JUP: variants seen among roughly 807,000 people sequenced by gnomAD.
JUP encodes the protein catenin (cadherin-associated protein), gamma 80kDa.
A neutral mutation model predicts 71.1 loss-of-function variants in JUP; 28 were observed. The observed-to-expected ratio is 0.39, with a 90% CI of 0.29 to 0.54. The LOEUF (loss-of-function observed/expected upper bound fraction) is 0.54, where lower values mean the gene tolerates loss of function less well. Ranked by LOEUF, JUP falls within the 20% of genes least tolerant of loss-of-function variation. The pLI is 0.62. For synonymous variants in JUP, 401 were observed against 438.9 expected (o/e 0.91, Z 1.08); for missense variants, 869 against 1,030.1 (o/e 0.84, Z 2.14).
chr17:41,785,946 G>C (rs1698066579), intron 1 of JUP: 1 of 152,352 alleles, frequency 6.6e-6, no homozygotes, highest in African/African-American at 2.4e-5. Context: ...GGCGTGGAGG[G>C]AGGCGCCGCA....
chr17:41,762,896 G>A (rs1555601947), intron 8 of JUP, 87 bp downstream of exon 8: 3 of 1,090,898 alleles, frequency 2.8e-6, no homozygotes, highest in Non-Finnish European at 2.8e-6. Context: ...TGTATTTAGG[G>A]CTTCTTTGCT....
chr17:41,763,078 C>A lies in JUP; in HGVS notation c.1402G>T (p.Glu468Ter), dbSNP rs2143559975. 6.2e-7 allele frequency: 1 copy of A among 1,614,048 alleles called. No individual in the cohort carries two copies. The highest frequency in any genetic ancestry group is 1.7e-5 in the Admixed American group (1 of 60,026). ...ALRHLTSRHP[E>*]AEMAQNSVRL... Reference sequence around the variant, plus strand: ...ACAGAGTTCTGGGCCATCTCGGCCTCAGGGTGGCGGCTAGTGAGGTGGCGC... The same window carrying A: ...ACAGAGTTCTGGGCCATCTCGGCCTAAGGGTGGCGGCTAGTGAGGTGGCGC... Residue 468 changes from glutamate (E) to a stop codon, truncating the protein, a stop_gained, in exon 8 of 14, where the codon GAG becomes TAG. Coordinates refer to ENST00000393931, the MANE Select transcript of JUP (RefSeq NM_002230.4). LOFTEE classifies it high-confidence loss of function.
At position 41,779,294 on chromosome 17, in the gene JUP, AT is replaced by A. The variant is rs1452364925; in HGVS notation, c.-9+7293del. ...AAGTTGCTTTTTAGGATTATGGGCG[AT>A]TTTTTTTCTTTTCTCTTAAACTTTT... On this transcript the variant is annotated intron_variant, in intron 1 of 13. Coordinates refer to ENST00000393931, the MANE Select transcript of JUP (RefSeq NM_002230.4). Among the ~76,000 whole-genome samples, 7 of 144,364 alleles carry A rather than the reference AT, an allele frequency of 4.8e-5. No homozygotes were observed. The South Asian group carries it at 6.6e-4, about 14-fold the overall frequency. The allele number at this position is 144,364 out of a possible 152,430, so 94.7% of individuals were successfully genotyped here.
At chr17:41,765,739 T>C (rs1273927132) in intron 5 of JUP, among the ~76,000 whole-genome samples, 3 of 152,206 alleles carry the variant, frequency 2.0e-5, no homozygotes, top group Admixed American at 2.0e-4. Context: ...GACAAAACTA[T>C]ATGCACACCC....
At chr17:41,775,979 A>G in intron 1 of JUP, 1 of 985,430 alleles carries the variant, frequency 1.0e-6, no homozygotes, top group Non-Finnish European at 1.2e-6. Flanking sequence ...CACCAGAGCT[A>G]CACCAGGCTC....
rs782667501 is a variant in JUP at position 41,763,080 on chromosome 17, G to A, written c.1400C>T (p.Pro467Leu). Residue 467 changes from proline (P) to leucine (L), a missense_variant, in exon 8 of 14, where the codon CCT becomes CTT. Physicochemically the swap from Pro to Leu is moderately conservative, Grantham distance 98. Coordinates refer to ENST00000393931, the MANE Select transcript of JUP (RefSeq NM_002230.4). ...AGAGTTCTGGGCCATCTCGGCCTCA[G>A]GGTGGCGGCTAGTGAGGTGGCGCAG... is the stretch of plus-strand genomic sequence containing the variant. ...CALRHLTSRHPEAEMAQNSVR... is the reference protein window; with the variant it reads ...CALRHLTSRHLEAEMAQNSVR... 8 of 1,613,924 alleles carry A rather than the reference G, an allele frequency of 5.0e-6. No individual in the cohort carries two copies. In the East Asian group the frequency reaches 1.8e-4, roughly 36 times the overall value.
chr17:41,767,400 G>C lies in JUP; in HGVS notation c.888C>G (p.Ala296=). Reference sequence around the variant, plus strand: ...CCACCTTGCTCTCCTGGTTGCCGTAGGCCAGGAGCTGCAGGCAGTCGGTGG... The same window carrying C: ...CCACCTTGCTCTCCTGGTTGCCGTACGCCAGGAGCTGCAGGCAGTCGGTGG... The part of the protein sequence containing the change: ...AITTDCLQLL[A]YGNQESKLII... Residue 296 remains alanine (A), a synonymous_variant, in exon 5 of 14, where the codon GCC becomes GCG. Transcript: ENST00000393931. 6.2e-7 allele frequency: 1 copy of C among 1,614,178 alleles called. No individual in the cohort carries two copies. The highest frequency in any genetic ancestry group is 8.5e-7 in the Non-Finnish European group (1 of 1,180,038).
chr17:41,757,069 G>A (rs903277353), intron 12 of JUP, among the ~76,000 whole-genome samples: 5 of 152,116 alleles, frequency 3.3e-5, no homozygotes, highest in African/African-American at 7.2e-5. Flanking sequence ...GACTCCTGCC[G>A]GACTAGAGCA....
In JUP at chr17:41,758,811, C is replaced by T. The variant is rs1914317484; in HGVS notation, c.1557G>A (p.Gln519=). 1 of 1,611,268 alleles carries T rather than the reference C, an allele frequency of 6.2e-7. No individual in the cohort carries two copies. Among genetic ancestry groups the T allele is most frequent in the South Asian group, 1.1e-5 (1 of 90,794 alleles). Reference sequence around the variant, plus strand: ...CGAGGCGGGGGATGACCGCTGCCTCCTGCAGCGGGGCATGGTTGGCTGGGC... The same window carrying T: ...CGAGGCGGGGGATGACCGCTGCCTCTTGCAGCGGGGCATGGTTGGCTGGGC... ...ALCPANHAPL[Q]EAAVIPRLVQ... Residue 519 remains glutamine, a synonymous_variant, in exon 9 of 14, where the codon CAG becomes CAA. Transcript: ENST00000393931.
At chr17:41,779,236 CAAA>C (rs782818472) in intron 1 of JUP, among the ~76,000 whole-genome samples, 3 of 109,298 alleles carry the variant, frequency 2.7e-5, no homozygotes, top group Non-Finnish European at 1.9e-5. Context: ...AACTCCGTCT[CAAA>C]AAAAAAAAAA....
intron 8 of JUP, among the ~76,000 whole-genome samples, chr17:41,762,156 A>G (rs1360528626): frequency 1.6e-4 from 19 of 116,388 alleles, no homozygotes; most frequent in Non-Finnish European, 3.8e-5. Flanking sequence ...AGAGAGAGAG[A>G]GAGAGAGAGA....
At chr17:41,768,062 G>T (rs984717127) in intron 4 of JUP, among the ~76,000 whole-genome samples, 1 of 151,984 alleles carries the variant, frequency 6.6e-6, no homozygotes, top group African/African-American at 2.4e-5. Context: ...TTAGGAGTTC[G>T]AAACCAGCCT....
At chr17:41,782,994 G>A (rs2143905131) in intron 1 of JUP, among the ~76,000 whole-genome samples, 1 of 152,072 alleles carries the variant, frequency 6.6e-6, no homozygotes, top group East Asian at 1.9e-4. Flanking sequence ...CTACTCGGGA[G>A]GCTGAGACAG....
intron 2 of JUP, 36 bp from the exon 3 acceptor site, chr17:41,769,713 G>A (rs369139982): frequency 1.6e-4 from 249 of 1,598,638 alleles, no homozygotes; most frequent in Non-Finnish European, 2.0e-4. Context: ...AGTGCAGGCA[G>A]TGGGCTGGGC....
rs570087739 is a variant in JUP, at chr17:41,755,445, C to T, written c.*299G>A. 8 of 424,036 alleles carry T rather than the reference C, an allele frequency of 1.9e-5. No homozygotes were observed. Among genetic ancestry groups the T allele is most frequent in the East Asian group, 3.4e-5 (1 of 29,028 alleles). 26.3% of individuals were successfully genotyped at this position (424,036 alleles called of 1,614,324 possible). Reference sequence around the variant, plus strand: ...TGAGGAACCGCACCTGTTAGGGGAGCGGGGACAGACAGGGGTCAGGGGCTC... The same window carrying T: ...TGAGGAACCGCACCTGTTAGGGGAGTGGGGACAGACAGGGGTCAGGGGCTC... On this transcript the variant is annotated 3_prime_UTR_variant, in exon 14 of 14. Transcript: ENST00000393931.
At chr17:41,780,424 T>G (rs1245451821) in intron 1 of JUP, among the ~76,000 whole-genome samples, 1 of 152,002 alleles carries the variant, frequency 6.6e-6, no homozygotes, top group Non-Finnish European at 1.5e-5. Flanking sequence ...CCGGGCGCAG[T>G]GGCTCACGCC....
rs1555607595 is a variant in JUP at position 41,773,074 on chromosome 17, G to A, written c.-8-1212C>T. The A allele has an allele frequency of 5.8e-6, 5 of 864,538 alleles. No individual in the cohort carries two copies. The African/African-American group carries it at 9.1e-5, about 16-fold the overall frequency. 53.6% of individuals were successfully genotyped at this position (864,538 alleles called of 1,614,324 possible). A position where few individuals can be genotyped will look rare whatever the true frequency, so the allele number is the denominator to read the frequency against. On this transcript the variant is annotated intron_variant, in intron 1 of 13. Coordinates refer to ENST00000393931, the MANE Select transcript of JUP (RefSeq NM_002230.4). Reference sequence around the variant, plus strand: ...AGAAACTGAGGTTAGAAATGGCAGAGCTGGGACTGGGACCAGGTGTGAGGG... The same window carrying A: ...AGAAACTGAGGTTAGAAATGGCAGAACTGGGACTGGGACCAGGTGTGAGGG...
At chr17:41,773,850 G>A (rs1245258679) in intron 1 of JUP, among the ~76,000 whole-genome samples, 1 of 152,244 alleles carries the variant, frequency 6.6e-6, no homozygotes, top group Non-Finnish European at 1.5e-5. Flanking sequence ...CCCCAGGAGA[G>A]AAGGAAGGTG....
chr17:41,776,628 C>G (rs2046898760), intron 1 of JUP, among the ~76,000 whole-genome samples: 1 of 152,176 alleles, frequency 6.6e-6, no homozygotes, highest in Admixed American at 6.5e-5. Flanking sequence ...TGAAGCATCA[C>G]TTGAGCCCAG....
Sources: allele counts gnomAD v4.1 joint callset (sites outside exome capture counted in the v4.1 genomes callset), GRCh38; gene constraint gnomAD v4.1.1; transcripts MANE v1.5; gene names NCBI Gene and HGNC (gene_info 2026-07-23, HGNC 2026-07-21).